MDGA2: variants seen among roughly 807,000 people sequenced by gnomAD.
MDGA2 encodes MAM domain-containing glycosylphosphatidylinositol anchor protein 2.
In MDGA2, 40 loss-of-function variants were observed where a neutral mutation model predicts 117.8. That is an observed-to-expected ratio of 0.34 (90% CI 0.26 to 0.44). The LOEUF (loss-of-function observed/expected upper bound fraction) is 0.44, where lower values mean the gene tolerates loss of function less well. MDGA2 is among the 20% of genes least tolerant of loss of function. The pLI is 1.00. For missense variants in MDGA2, 1,123 were observed against 1,250.6 expected, an observed-to-expected ratio of 0.90 and a Z score of 1.54; for synonymous variants, 452 against 439.0, an observed-to-expected ratio of 1.03 and a Z score of -0.37.
At position 46,968,792 on chromosome 14, in the gene MDGA2, G is replaced by C. The variant is rs575756049; in HGVS notation, c.1820-11149C>G. On this transcript the variant is annotated intron_variant, in intron 8 of 16. Transcript: ENST00000399232. The stretch of plus-strand genomic sequence containing the variant: ...GCAGAGGTTGCAGTGAGCTGAGATC[G>C]TGCCACTGCACTCCAGCCTAGGAAA... Among the ~76,000 whole-genome samples the C allele has an allele frequency of 5.3e-5, 8 of 150,174 alleles. No individual in the cohort carries two copies. The South Asian group carries it at 1.5e-3, about 28-fold the overall frequency.
In MDGA2 at chr14:47,465,979, T is replaced by C. The variant is rs138373101; in HGVS notation, c.281-164429A>G. Among the ~76,000 whole-genome samples the C allele has an allele frequency of 5.3e-5, 8 of 152,258 alleles. No homozygotes were observed. In the East Asian group the frequency reaches 1.4e-3, roughly 26 times the overall value. On this transcript the variant is annotated intron_variant, in intron 1 of 16. Transcript: ENST00000399232. ...AAGGTACATATACACCATGAAATAC[T>C]ATGTAGTCATAAAAAAGAACAAGAT...
At chr14:47,090,771 G>A (rs1173624279) in intron 6 of MDGA2, among the ~76,000 whole-genome samples, 2 of 152,148 alleles carry the variant, frequency 1.3e-5, no homozygotes, top group African/African-American at 4.8e-5. Context: ...CTACCTTGAA[G>A]CTGCCATGAG....
At chr14:47,043,953 T>C (rs1889166563) in intron 7 of MDGA2, among the ~76,000 whole-genome samples, 1 of 152,146 alleles carries the variant, frequency 6.6e-6, no homozygotes, top group South Asian at 2.1e-4. Context: ...GCATGCCCAA[T>C]TTATTCTGTA....
intron 1 of MDGA2, among the ~76,000 whole-genome samples, chr14:47,644,334 C>CA (rs1897484950): frequency 6.6e-6 from 1 of 151,956 alleles, no homozygotes. Flanking sequence ...CATGGATGGA[C>CA]AAAATGGATA....
intron 3 of MDGA2, among the ~76,000 whole-genome samples, chr14:47,160,940 G>T (rs1883607530): frequency 6.6e-6 from 1 of 152,212 alleles, no homozygotes; most frequent in East Asian, 1.9e-4. Flanking sequence ...CTTAAGAACT[G>T]CATGAAGCAT....
At chr14:46,921,212 T>C (rs923651707) in intron 9 of MDGA2, among the ~76,000 whole-genome samples, 16 of 152,182 alleles carry the variant, frequency 1.1e-4, no homozygotes, top group Non-Finnish European at 8.8e-5. Flanking sequence ...TTACATTTTT[T>C]TTCCAGACTT....
Position 46,943,101 on chromosome 14 carries a change from T to C in MDGA2, c.2089+14273A>G, listed in dbSNP as rs188528203. ...GATGTTCACATAATTTGAACCGTTA[T>C]GTCTTCCCTATAAATTCCTGTTGTA... On this transcript the variant is annotated intron_variant, in intron 9 of 16. Coordinates refer to ENST00000399232, the MANE Select transcript of MDGA2 (RefSeq NM_001113498.3). Among the ~76,000 whole-genome samples, 10 of 152,224 alleles carry C rather than the reference T, an allele frequency of 6.6e-5. No homozygotes were observed. The East Asian group carries it at 1.7e-3, about 26-fold the overall frequency.
intron 1 of MDGA2, among the ~76,000 whole-genome samples, chr14:47,321,077 C>A (rs1019144475): frequency 3.3e-5 from 5 of 152,130 alleles, no homozygotes; most frequent in African/African-American, 1.2e-4. Flanking sequence ...GGTGACTACA[C>A]AGGACATATT....
chr14:47,115,077 C>T (rs568087971), intron 5 of MDGA2, among the ~76,000 whole-genome samples: 1 of 151,824 alleles, frequency 6.6e-6, no homozygotes, highest in Non-Finnish European at 1.5e-5. Flanking sequence ...AAGTGATCAA[C>T]ATTCTGCTGA....
chr14:47,324,315 A>G (rs530840397), intron 1 of MDGA2, among the ~76,000 whole-genome samples: 1 of 152,338 alleles, frequency 6.6e-6, no homozygotes, highest in Non-Finnish European at 1.5e-5. Flanking sequence ...CCTAAAGTGC[A>G]AAGTATAATT....
intron 10 of MDGA2, among the ~76,000 whole-genome samples, chr14:46,904,488 C>T (rs990480834): frequency 7.9e-5 from 12 of 151,902 alleles, no homozygotes; most frequent in African/African-American, 2.4e-5. Flanking sequence ...AAAATTGGGT[C>T]GAATCTACAA....
At chr14:47,442,300 A>T (rs940214563) in intron 1 of MDGA2, among the ~76,000 whole-genome samples, 2 of 152,174 alleles carry the variant, frequency 1.3e-5, no homozygotes, top group African/African-American at 4.8e-5. Flanking sequence ...AATGGTGAAT[A>T]AACAGCAAGA....
intron 1 of MDGA2, among the ~76,000 whole-genome samples, chr14:47,416,297 G>GA (rs57646129): frequency 0.43 from 65,490 of 151,836 alleles, 14,579 homozygotes; most frequent in South Asian, 0.57. Flanking sequence ...TTCCAAAAAA[G>GA]AAAAAGAAAT....
At chr14:47,079,977 C>T (rs1038913789) in intron 6 of MDGA2, among the ~76,000 whole-genome samples, 12 of 151,952 alleles carry the variant, frequency 7.9e-5, no homozygotes, top group African/African-American at 1.2e-4. Flanking sequence ...GTGATCCGCC[C>T]GCCTCGGCCT....
intron 1 of MDGA2, among the ~76,000 whole-genome samples, chr14:47,566,605 G>A (rs1424718298): frequency 6.6e-6 from 1 of 152,112 alleles, no homozygotes; most frequent in African/African-American, 2.4e-5. Flanking sequence ...AAGTTTCCAT[G>A]GGGGTTGGGG....
At chr14:47,370,526 T>TGTGTG (rs58683887) in intron 1 of MDGA2, among the ~76,000 whole-genome samples, 5 of 136,032 alleles carry the variant, frequency 3.7e-5, no homozygotes, top group Admixed American at 7.9e-5. Context: ...TGTGTGTGTG[T>TGTGTG]TTAAGATTTT....
chr14:46,893,578 T>G (rs1207168682), intron 10 of MDGA2, among the ~76,000 whole-genome samples: 1 of 152,068 alleles, frequency 6.6e-6, no homozygotes, highest in Non-Finnish European at 1.5e-5. Flanking sequence ...TTTGCGAGAC[T>G]GTAGTAATCA....
At chr14:46,877,226 A>C (rs1189972679) in intron 12 of MDGA2, among the ~76,000 whole-genome samples, 1 of 151,676 alleles carries the variant, frequency 6.6e-6, no homozygotes, top group Non-Finnish European at 1.5e-5. Context: ...AGAAATAGCA[A>C]ATATTAAGCA....
intron 3 of MDGA2, among the ~76,000 whole-genome samples, chr14:47,196,224 A>G (rs1055785353): frequency 2.0e-5 from 3 of 152,180 alleles, no homozygotes; most frequent in Admixed American, 6.5e-5. Flanking sequence ...AAATTTATGT[A>G]AAGCACCAAA....
Sources: allele counts gnomAD v4.1 joint callset (sites outside exome capture counted in the v4.1 genomes callset), GRCh38; gene constraint gnomAD v4.1.1; transcripts MANE v1.5; gene names NCBI Gene and HGNC (gene_info 2026-07-23, HGNC 2026-07-21).